NKAIN3: variants seen among roughly 807,000 people sequenced by gnomAD.
NKAIN3 encodes sodium/potassium transporting ATPase interacting 3.
NKAIN3 carries 25 observed loss-of-function variants against 30.2 expected under a neutral mutation model. The observed-to-expected ratio is 0.83, with a 90% CI of 0.60 to 1.16. The LOEUF (loss-of-function observed/expected upper bound fraction) is 1.16. Ranked by LOEUF, NKAIN3 falls within the 50% of genes most tolerant of loss-of-function variation. The pLI, the probability that NKAIN3 is intolerant of heterozygous loss-of-function variation, is 0.00. For synonymous variants in NKAIN3, 91 were observed against 89.6 expected, an observed-to-expected ratio of 1.02 and a Z score of -0.09; for missense variants, 225 against 254.1, an observed-to-expected ratio of 0.89 and a Z score of 0.78.
intron 1 of NKAIN3, among the ~76,000 whole-genome samples, chr8:62,418,191 G>A (rs997087875): frequency 7.9e-5 from 12 of 152,062 alleles, no homozygotes; most frequent in Admixed American, 1.3e-4. Context: ...CCATAAGTGG[G>A]GAGTAAAGGG....
intron 4 of NKAIN3, among the ~76,000 whole-genome samples, chr8:62,782,626 G>A (rs867863612): frequency 1.1e-4 from 17 of 151,576 alleles, no homozygotes; most frequent in African/African-American, 2.2e-4. Context: ...TCACTACAAC[G>A]TGGATGGAAT....
In NKAIN3 at chr8:62,974,996, T is replaced by A. The variant is rs1823912600; in HGVS notation, c.*9589T>A. ...TTGCATATGTTGAAACAGCCTTGCATCCCAGGGATGAAGCTGACTTGATCA... is the reference window on the plus strand; with the variant it reads ...TTGCATATGTTGAAACAGCCTTGCAACCCAGGGATGAAGCTGACTTGATCA... On this transcript the variant is annotated 3_prime_UTR_variant, in exon 7 of 7. Coordinates refer to ENST00000623646, the MANE Select transcript of NKAIN3 (RefSeq NM_001304533.3). Among the ~76,000 whole-genome samples, 1 of 152,238 alleles carries A rather than the reference T, an allele frequency of 6.6e-6. No individual in the cohort carries two copies. The highest frequency in any genetic ancestry group is 6.5e-5 in the Admixed American group (1 of 15,282).
chr8:62,540,930 A>G (rs151010779), intron 1 of NKAIN3, among the ~76,000 whole-genome samples: 1 of 152,298 alleles, frequency 6.6e-6, no homozygotes, highest in East Asian at 1.9e-4. Flanking sequence ...GAGTTTGGCT[A>G]TAAACAAAAC....
At chr8:62,588,848 C>T (rs1447968780) in intron 2 of NKAIN3, among the ~76,000 whole-genome samples, 1 of 151,862 alleles carries the variant, frequency 6.6e-6, no homozygotes, top group Non-Finnish European at 1.5e-5. Flanking sequence ...ACAGTAAGTA[C>T]TATCCTCAGT....
At chr8:62,836,598 G>T (rs903471865) in intron 4 of NKAIN3, among the ~76,000 whole-genome samples, 1 of 152,124 alleles carries the variant, frequency 6.6e-6, no homozygotes, top group Non-Finnish European at 1.5e-5. Flanking sequence ...CAAAGCAGTA[G>T]CTCCTCTTGT....
At chr8:62,713,291 G>C (rs1814784970) in intron 3 of NKAIN3, among the ~76,000 whole-genome samples, 1 of 152,168 alleles carries the variant, frequency 6.6e-6, no homozygotes, top group Non-Finnish European at 1.5e-5. Context: ...GCACGTAGTA[G>C]ACACTTACCT....
At chr8:62,410,276 A>C (rs968843819) in intron 1 of NKAIN3, among the ~76,000 whole-genome samples, 3 of 152,216 alleles carry the variant, frequency 2.0e-5, no homozygotes, top group African/African-American at 4.8e-5. Flanking sequence ...ATGCTGCTGC[A>C]AATGACATGA....
At position 62,965,440 on chromosome 8, in the gene NKAIN3, G is replaced by C; in HGVS notation, c.*33G>C. On this transcript the variant is annotated 3_prime_UTR_variant, in exon 7 of 7. Transcript: ENST00000623646. Reference sequence around the variant, plus strand: ...AGGACCATTGACTGCGCGCCTCGGTGGATCCGACCCGCCTGACATTCCTTC... The same window carrying C: ...AGGACCATTGACTGCGCGCCTCGGTCGATCCGACCCGCCTGACATTCCTTC... The C allele has an allele frequency of 1.0e-6, 1 of 985,716 alleles. No individual in the cohort carries two copies. Among genetic ancestry groups the C allele is most frequent in the African/African-American group, 1.7e-5 (1 of 57,306 alleles). The allele number at this position is 985,716 out of a possible 1,614,324, so 61.1% of individuals were successfully genotyped here. A position where few individuals can be genotyped will look rare whatever the true frequency, so the allele number is the denominator to read the frequency against.
chr8:62,874,911 C>G (rs1820748697), intron 4 of NKAIN3, among the ~76,000 whole-genome samples: 1 of 152,132 alleles, frequency 6.6e-6, no homozygotes, highest in Admixed American at 6.5e-5. Context: ...CAGCACAACA[C>G]AAGGATGCCC....
At chr8:62,319,561 A>C (rs372935652) in intron 1 of NKAIN3, among the ~76,000 whole-genome samples, 15 of 152,012 alleles carry the variant, frequency 9.9e-5, no homozygotes, top group Admixed American at 3.3e-4. Flanking sequence ...CAAAGAACAT[A>C]TTTATTTCTG....
intron 3 of NKAIN3, among the ~76,000 whole-genome samples, chr8:62,724,779 T>G (rs2130526953): frequency 6.6e-6 from 1 of 152,312 alleles, no homozygotes; most frequent in South Asian, 2.1e-4. Context: ...TTCATTCTTT[T>G]GTTGATGGAC....
At chr8:62,556,814 G>A (rs972188652) in intron 1 of NKAIN3, among the ~76,000 whole-genome samples, 3 of 151,830 alleles carry the variant, frequency 2.0e-5, no homozygotes, top group African/African-American at 7.2e-5. Context: ...AAAAGATAAC[G>A]TAAAAACCCA....
intron 3 of NKAIN3, among the ~76,000 whole-genome samples, chr8:62,655,659 G>T (rs1438415517): frequency 6.6e-6 from 1 of 152,084 alleles, no homozygotes; most frequent in Non-Finnish European, 1.5e-5. Flanking sequence ...AATATTCAAA[G>T]AAAATACAGG....
At position 62,826,415 on chromosome 8, in the gene NKAIN3, T is replaced by C. The variant is rs554666569; in HGVS notation, c.471+79286T>C. 3.9e-5 allele frequency among the ~76,000 whole-genome samples: 6 copies of C among 152,328 alleles called. No homozygotes were observed. The South Asian group carries it at 8.3e-4, about 21-fold the overall frequency. On this transcript the variant is annotated intron_variant, in intron 4 of 6. Coordinates refer to ENST00000623646, the MANE Select transcript of NKAIN3 (RefSeq NM_001304533.3). ...CCTGCTCAAAAATGTGATCATCATC[T>C]CTACTGACTTCTATATTCTCTTTAA...
intron 1 of NKAIN3, among the ~76,000 whole-genome samples, chr8:62,441,956 C>T (rs1563400544): frequency 6.6e-6 from 1 of 151,874 alleles, no homozygotes; most frequent in Non-Finnish European, 1.5e-5. Context: ...ATTTCATCCC[C>T]CTTTTTTTGC....
intron 1 of NKAIN3, among the ~76,000 whole-genome samples, chr8:62,348,166 G>T (rs2129591567): frequency 6.6e-6 from 1 of 152,140 alleles, no homozygotes; most frequent in East Asian, 1.9e-4. Flanking sequence ...ATGTGTATTA[G>T]TCTCCAGCAA....
intron 5 of NKAIN3, among the ~76,000 whole-genome samples, chr8:62,947,756 C>T (rs1484124925): frequency 6.6e-6 from 1 of 152,204 alleles, no homozygotes; most frequent in Non-Finnish European, 1.5e-5. Context: ...TGTAGAGCCC[C>T]TTGTGGAGAG....
intron 1 of NKAIN3, among the ~76,000 whole-genome samples, chr8:62,453,797 GAAACATATAAC>G (rs1805724009): frequency 6.6e-6 from 1 of 152,092 alleles, no homozygotes. Flanking sequence ...TAAATTCCTG[GAAACATATAAC>G]TTCTCAATAT....
At chr8:62,666,203 ACTCT>A (rs1382681142) in intron 3 of NKAIN3, among the ~76,000 whole-genome samples, 1 of 151,930 alleles carries the variant, frequency 6.6e-6, no homozygotes, top group Non-Finnish European at 1.5e-5. Context: ...ACAGAGCAAG[ACTCT>A]CTCTGTCTCA....
Sources: allele counts gnomAD v4.1 joint callset (sites outside exome capture counted in the v4.1 genomes callset), GRCh38; gene constraint gnomAD v4.1.1; transcripts MANE v1.5; gene names NCBI Gene and HGNC (gene_info 2026-07-23, HGNC 2026-07-21).